Variants in TBC1D1 observed in about 807,000 individuals in gnomAD.
TBC1D1 encodes the protein TBC1 domain family member 1.
TBC1D1 carries 89 observed loss-of-function variants against 125.6 expected under a neutral mutation model. That is an observed-to-expected ratio of 0.71 (90% CI 0.60 to 0.85). The LOEUF is 0.85. Among genes scored for constraint, TBC1D1 ranks in the 40% least tolerant of loss-of-function variants. TBC1D1 has a pLI of 0.00. For missense variants in TBC1D1, 1,377 were observed against 1,469.2 expected (o/e 0.94, Z 1.03); for synonymous variants, 565 against 564.1 (o/e 1.00, Z -0.02).
chr4:38,052,728 G>GCGCGCGCGCA (rs1491148206), intron 11 of TBC1D1, among the ~76,000 whole-genome samples: 1 of 118,276 alleles, frequency 8.5e-6, no homozygotes, highest in Non-Finnish European at 1.7e-5. Flanking sequence ...GCGCGCGCGC[G>GCGCGCGCGCA]CACACACACA....
intron 9 of TBC1D1, among the ~76,000 whole-genome samples, chr4:38,045,541 A>G (rs1749268868): frequency 6.6e-6 from 1 of 152,000 alleles, no homozygotes; most frequent in Admixed American, 6.6e-5. Context: ...TGAGCACTTG[A>G]TTTTCCTTAT....
chr4:37,933,865 AT>A (rs1175308115), intron 2 of TBC1D1, among the ~76,000 whole-genome samples: 1 of 152,104 alleles, frequency 6.6e-6, no homozygotes, highest in Non-Finnish European at 1.5e-5. Flanking sequence ...AGTCTTGTTA[AT>A]TTGGGGAAAA....
intron 2 of TBC1D1, among the ~76,000 whole-genome samples, chr4:37,936,183 AAT>A (rs1233163878): frequency 5.3e-5 from 8 of 152,226 alleles, no homozygotes; most frequent in Non-Finnish European, 1.0e-4. Flanking sequence ...TACCATATAT[AAT>A]ATGTTTTTTG....
intron 2 of TBC1D1, among the ~76,000 whole-genome samples, chr4:37,965,731 CATTT>C (rs201957621): frequency 3.0e-4 from 45 of 152,026 alleles, no homozygotes; most frequent in South Asian, 6.2e-4. Flanking sequence ...CTGTCATGGA[CATTT>C]ATTTATTTAT....
intron 14 of TBC1D1, among the ~76,000 whole-genome samples, chr4:38,101,492 C>G (rs1173944270): frequency 6.6e-6 from 1 of 152,174 alleles, no homozygotes; most frequent in South Asian, 2.1e-4. Flanking sequence ...AGAGAATTTT[C>G]TTAAGTTTTA....
chr4:38,116,004 T>G (rs775760589), intron 16 of TBC1D1, 50 bp downstream of exon 18: 1 of 1,593,272 alleles, frequency 6.3e-7, no homozygotes, highest in Non-Finnish European at 8.6e-7. Flanking sequence ...TAAGAATGTT[T>G]CTTATCCCTC....
chr4:38,003,949 T>C (rs1739573536), intron 2 of TBC1D1, among the ~76,000 whole-genome samples: 1 of 152,174 alleles, frequency 6.6e-6, no homozygotes, highest in Non-Finnish European at 1.5e-5. Flanking sequence ...GGAGCTATTA[T>C]AGGCTAGGCT....
intron 15 of TBC1D1, among the ~76,000 whole-genome samples, chr4:38,109,596 G>T (rs1015267315): frequency 2.6e-5 from 4 of 152,116 alleles, no homozygotes; most frequent in Admixed American, 2.6e-4. Context: ...GATGTCACTG[G>T]TCATGGAGTT....
chr4:38,121,837 T>C, intron 17 of TBC1D1, among the ~76,000 whole-genome samples: 1 of 152,258 alleles, frequency 6.6e-6, no homozygotes, highest in South Asian at 2.1e-4. Context: ...GTTTTAAAAT[T>C]AGATGTGATT....
chr4:38,066,049 A>G (rs538646611), intron 12 of TBC1D1, among the ~76,000 whole-genome samples: 5 of 152,300 alleles, frequency 3.3e-5, no homozygotes, highest in South Asian at 2.1e-4. Context: ...GTATCAATCT[A>G]TTTAGCTCTA....
At chr4:37,987,033 G>A (rs1054209536) in intron 2 of TBC1D1, among the ~76,000 whole-genome samples, 5 of 152,152 alleles carry the variant, frequency 3.3e-5, no homozygotes, top group Non-Finnish European at 5.9e-5. Flanking sequence ...CCTGTTTCCC[G>A]GAAGGCATCC....
chr4:38,063,068 G>C (rs145406240), intron 12 of TBC1D1, among the ~76,000 whole-genome samples: 65 of 152,324 alleles, frequency 4.3e-4, no homozygotes, highest in South Asian at 2.3e-3. Flanking sequence ...AATGTCCAAA[G>C]TGAGTGATCT....
At chr4:37,919,298 C>T (rs1450326577) in intron 2 of TBC1D1, among the ~76,000 whole-genome samples, 2 of 151,774 alleles carry the variant, frequency 1.3e-5, no homozygotes, top group East Asian at 3.9e-4. Context: ...CTCCCAAGTA[C>T]CTGAAAAGGC....
chr4:37,895,467 G>T (rs1714359046), intron 1 of TBC1D1, among the ~76,000 whole-genome samples: 1 of 152,160 alleles, frequency 6.6e-6, no homozygotes, highest in Non-Finnish European at 1.5e-5. Context: ...ACTTTGGGAG[G>T]CCGAGGCTGG....
chr4:38,094,596 T>C (rs1213135320), intron 13 of TBC1D1, among the ~76,000 whole-genome samples: 2 of 152,206 alleles, frequency 1.3e-5, no homozygotes, highest in Non-Finnish European at 2.9e-5. Flanking sequence ...AACAGCAGGA[T>C]GTTTGTGGAT....
chr4:37,995,510 T>G lies in TBC1D1; in HGVS notation c.418-18999T>G, dbSNP rs962945153. On this transcript the variant is annotated intron_variant, in intron 2 of 19. Transcript: ENST00000261439. This position sits in a 1 kb window ranked among gnomAD's most constrained non-coding sequence, Gnocchi z 4.3. ...GCCCTGGGCTCAGTACACAGATGGT[T>G]TCTCTTCACCTTTTGGGTTGCGGTT... 11 of 332,528 alleles carry G rather than the reference T, an allele frequency of 3.3e-5. No homozygotes were observed. Among genetic ancestry groups the G allele is most frequent in the African/African-American group, 6.5e-5 (3 of 46,264 alleles). 20.6% of individuals were successfully genotyped at this position (332,528 alleles called of 1,614,324 possible). A position where few individuals can be genotyped will look rare whatever the true frequency, so the allele number is the denominator to read the frequency against.
chr4:38,025,859 T>C (rs1744978397), intron 6 of TBC1D1, among the ~76,000 whole-genome samples: 1 of 152,192 alleles, frequency 6.6e-6, no homozygotes, highest in African/African-American at 2.4e-5. Flanking sequence ...AGTGACTGCA[T>C]TGCACTTTGA....
chr4:38,063,884 C>G (rs1367841268), intron 12 of TBC1D1, among the ~76,000 whole-genome samples: 1 of 152,200 alleles, frequency 6.6e-6, no homozygotes, highest in Non-Finnish European at 1.5e-5. Context: ...CTGCCTCAGC[C>G]TCCCAAAGTG....
intron 2 of TBC1D1, among the ~76,000 whole-genome samples, chr4:37,980,721 C>T (rs749875819): frequency 1.9e-4 from 29 of 152,112 alleles, no homozygotes; most frequent in Non-Finnish European, 3.2e-4. Context: ...TAAGTATTTA[C>T]CTTATGAATA....
Sources: gnomAD v4.1 joint callset for allele counts (sites outside exome capture counted in the v4.1 genomes callset) on GRCh38, gnomAD v4.1.1 for gene constraint, Gnocchi (gnomAD v3.1) non-coding constraint, MANE v1.5 for transcripts, NCBI Gene and HGNC (gene_info 2026-07-23, HGNC 2026-07-21) for gene names.